Variants in KLF8 observed in about 807,000 individuals in gnomAD.
KLF8 encodes the protein KLF transcription factor 8.
KLF8 carries 10 observed loss-of-function variants against 18.2 expected under a neutral mutation model. The ratio of observed to expected loss-of-function variants is 0.55; its 90% CI spans 0.34 to 0.93. The LOEUF (loss-of-function observed/expected upper bound fraction) is 0.93, where lower values mean the gene tolerates loss of function less well. Among genes scored for constraint, KLF8 ranks in the 40% least tolerant of loss-of-function variants. The pLI, the probability that KLF8 is intolerant of heterozygous loss-of-function variation, is 0.02. For missense variants in KLF8, 264 were observed against 277.9 expected, an observed-to-expected ratio of 0.95 and a Z score of 0.36; for synonymous variants, 109 against 97.3, an observed-to-expected ratio of 1.12 and a Z score of -0.71.
At chrX:56,183,931 C>T in the KLF8 span, among the ~76,000 whole-genome samples, 2 of 111,525 alleles carry the variant, frequency 1.8e-5, no homozygotes, top group South Asian at 3.9e-4. Context: ...TCTACAGCTC[C>T]CACCATGAGC....
the KLF8 span, among the ~76,000 whole-genome samples, chrX:55,999,108 C>A: frequency 2.8e-5 from 3 of 108,856 alleles, no homozygotes; most frequent in African/African-American, 1.0e-4. Context: ...GTCCTTTCCC[C>A]AGCTTTTCTT....
the KLF8 span, among the ~76,000 whole-genome samples, chrX:56,012,826 A>G: frequency 9.0e-6 from 1 of 111,668 alleles, no homozygotes; most frequent in Non-Finnish European, 1.9e-5. Context: ...TTTAACTACT[A>G]TTGTCATTTT....
the KLF8 span, among the ~76,000 whole-genome samples, chrX:56,174,730 CT>C: frequency 4.5e-5 from 5 of 111,228 alleles, no homozygotes; most frequent in East Asian, 8.5e-4. Flanking sequence ...TGGTCTTGGC[CT>C]TTTTTTGGTT....
chrX:56,063,559 C>T, the KLF8 span, among the ~76,000 whole-genome samples: 1 of 111,636 alleles, frequency 9.0e-6, no homozygotes, highest in African/African-American at 3.3e-5. Context: ...GGGCACCCAC[C>T]AGAAGGCAGC....
At chrX:56,183,737 G>T in the KLF8 span, among the ~76,000 whole-genome samples, 1 of 111,873 alleles carries the variant, frequency 8.9e-6, no homozygotes, top group Non-Finnish European at 1.9e-5. Context: ...AAGGAAAGAA[G>T]GAAGAGAAGA....
At chrX:56,083,724 C>A in the KLF8 span, among the ~76,000 whole-genome samples, 3 of 111,490 alleles carry the variant, frequency 2.7e-5, no homozygotes, top group African/African-American at 9.8e-5. Context: ...AGTATTACTG[C>A]CTGAACTCCG....
chrX:56,206,977 C>A, the KLF8 span, among the ~76,000 whole-genome samples: 3,112 of 112,777 alleles, frequency 0.028, 121 homozygotes, highest in African/African-American at 0.095. Flanking sequence ...CGGCCCAAAA[C>A]CACATGGAAG....
At chrX:56,167,774 A>C in the KLF8 span, among the ~76,000 whole-genome samples, 7 of 112,555 alleles carry the variant, frequency 6.2e-5, no homozygotes, top group South Asian at 2.5e-3. Flanking sequence ...TCACAGTAAA[A>C]TATCCCAGTT....
chrX:55,934,830 G>C, the KLF8 span, among the ~76,000 whole-genome samples: 1 of 112,198 alleles, frequency 8.9e-6, no homozygotes, highest in Non-Finnish European at 1.9e-5. Flanking sequence ...CCCTTGGTGG[G>C]GAATGGTGAG....
the KLF8 span, among the ~76,000 whole-genome samples, chrX:55,952,775 G>A: frequency 8.9e-6 from 1 of 112,042 alleles, no homozygotes; most frequent in Non-Finnish European, 1.9e-5. Flanking sequence ...CTGGTACTAT[G>A]ACTGCTAATA....
the KLF8 span, among the ~76,000 whole-genome samples, chrX:56,019,389 C>A: frequency 8.9e-6 from 1 of 112,178 alleles, no homozygotes; most frequent in Non-Finnish European, 1.9e-5. Flanking sequence ...GCTGAGAATA[C>A]CTAGGAATAA....
the KLF8 span, among the ~76,000 whole-genome samples, chrX:56,065,127 ATTTTGC>A: frequency 8.9e-6 from 1 of 111,898 alleles, no homozygotes; most frequent in African/African-American, 3.2e-5. Context: ...ATATCTAAAC[ATTTTGC>A]TAGGCTTAGG....
chrX:56,257,604 G>A (rs766059867), intron 2 of KLF8, among the ~76,000 whole-genome samples: 2 of 111,738 alleles, frequency 1.8e-5, no homozygotes, highest in African/African-American at 3.3e-5. Flanking sequence ...ATAAGAACAT[G>A]CAGTATTTGG....
chrX:56,282,795 T>C (rs2067218759), intron 5 of KLF8, among the ~76,000 whole-genome samples: 1 of 112,054 alleles, frequency 8.9e-6, no homozygotes, highest in African/African-American at 3.2e-5. Context: ...GAAAAATGTA[T>C]TAAGAAGAAA....
At chrX:56,032,527 G>A in the KLF8 span, among the ~76,000 whole-genome samples, 4 of 111,594 alleles carry the variant, frequency 3.6e-5, no homozygotes, top group African/African-American at 6.5e-5. Context: ...CTACTGATAA[G>A]ATCTCTTTCA....
the KLF8 span, among the ~76,000 whole-genome samples, chrX:56,154,542 G>A: frequency 2.9e-4 from 33 of 111,888 alleles, no homozygotes; most frequent in Non-Finnish European, 5.8e-4. Context: ...ACATAGGCAT[G>A]GGCAAGGACT....
the KLF8 span, among the ~76,000 whole-genome samples, chrX:56,061,077 A>G: frequency 1.8e-5 from 2 of 111,405 alleles, no homozygotes; most frequent in Non-Finnish European, 3.8e-5. Context: ...TAGTCTGGCT[A>G]GAGGTCTATC....
the KLF8 span, among the ~76,000 whole-genome samples, chrX:56,128,135 G>A: frequency 3.6e-5 from 4 of 111,813 alleles, no homozygotes; most frequent in Non-Finnish European, 5.6e-5. Flanking sequence ...GAAGGGAAGA[G>A]CAAGTAAAAT....
the KLF8 span, among the ~76,000 whole-genome samples, chrX:56,120,510 G>T: frequency 1.1e-4 from 12 of 111,912 alleles, no homozygotes; most frequent in Non-Finnish European, 1.7e-4. Flanking sequence ...TCAAAAGAGA[G>T]ATGAAAGAGA....
Sources: gnomAD v4.1 joint callset for allele counts (sites outside exome capture counted in the v4.1 genomes callset) on GRCh38, gnomAD v4.1.1 for gene constraint, MANE v1.5 for transcripts, NCBI Gene and HGNC (gene_info 2026-07-23, HGNC 2026-07-21) for gene names.